Variants in NDUFB1 observed in about 807,000 individuals in gnomAD.
NDUFB1 encodes the protein NADH dehydrogenase [ubiquinone] 1 beta subcomplex subunit 1.
In NDUFB1, 6 loss-of-function variants were observed where a neutral mutation model predicts 6.7. The observed-to-expected ratio is 0.89, with a 90% CI of 0.49 to 1.76. The LOEUF (loss-of-function observed/expected upper bound fraction) is 1.76, where lower values mean the gene tolerates loss of function less well. NDUFB1 is among the 40% of genes most tolerant of loss of function. The pLI, the probability that NDUFB1 is intolerant of heterozygous loss-of-function variation, is 0.01. For missense variants in NDUFB1, 56 were observed against 71.0 expected (o/e 0.79, Z 0.76); for synonymous variants, 17 against 22.9 (o/e 0.74, Z 0.74).
chr14:92,121,305 A>AG (rs751580108), intron 1 of NDUFB1: 28 of 438,064 alleles, frequency 6.4e-5, no homozygotes, highest in Non-Finnish European at 1.0e-4. Context: ...CTGCTCGCGG[A>AG]GGGGAGGCAG....
rs752109673 is a variant in NDUFB1 at position 92,117,545 on chromosome 14, ACTCTTTCTGT to A, written c.83_92del (p.Asp28ValfsTer5). ...TCCGGAAGGCAGTTAGCCGTTCATC[ACTCTTTCTGT>A]CTAAATAACATCCAATGACAAATCC... On this transcript the variant is annotated frameshift_variant, in exon 2 of 3. Transcript: ENST00000605997. LOFTEE classifies it high-confidence loss of function. 1 of 1,613,570 alleles carries A rather than the reference ACTCTTTCTGT, an allele frequency of 6.2e-7. No homozygotes were observed. The highest frequency in any genetic ancestry group is 2.2e-5 in the East Asian group (1 of 44,882).
intron 2 of NDUFB1, 36 bp downstream of exon 2, chr14:92,117,462 T>C (rs1262306640): frequency 2.9e-5 from 47 of 1,610,042 alleles, no homozygotes; most frequent in East Asian, 1.1e-4. Flanking sequence ...TTCCCCAAAT[T>C]TGGCCAATTG....
chr14:92,119,055 T>C, intron 1 of NDUFB1: 1 of 278,006 alleles, frequency 3.6e-6, no homozygotes, highest in South Asian at 2.9e-5. Flanking sequence ...CTCATGCCTG[T>C]AACCACAGCA....
chr14:92,121,584 C>T (rs1348240595), intron 1 of NDUFB1, 58 bp downstream of exon 1: 3 of 1,608,720 alleles, frequency 1.9e-6, no homozygotes, highest in Non-Finnish European at 8.5e-7. Context: ...CTAGAACCCT[C>T]CCCGCCACCG....
rs952360710 is a variant in NDUFB1, at chr14:92,120,695, T to C, written c.-6+947A>G. Among the ~76,000 whole-genome samples, 61 of 140,544 alleles carry C rather than the reference T, an allele frequency of 4.3e-4. 1 individual carries two copies. The East Asian group carries it at 0.014, about 32-fold the overall frequency. The allele number at this position is 140,544 out of a possible 152,430, so 92.2% of individuals were successfully genotyped here. A position where few individuals can be genotyped will look rare whatever the true frequency, so the allele number is the denominator to read the frequency against. On this transcript the variant is annotated intron_variant, in intron 1 of 2. Coordinates refer to ENST00000605997, the MANE Select transcript of NDUFB1 (RefSeq NM_004545.4). ...TCAGCCTTCCGAGTAGCTGGGACTA[T>C]AGGCAGGTGCCACCACGCCCGGCTA...
intron 2 of NDUFB1, 24 bp from the exon 3 acceptor site, chr14:92,116,253 GA>G (rs1160407284): frequency 6.9e-6 from 11 of 1,589,920 alleles, no homozygotes; most frequent in Non-Finnish European, 9.4e-6. Context: ...AAAAAAGGAA[GA>G]AATGGAAAAA....
At chr14:92,116,331 C>CTTTTTTTT (rs35571568) in intron 2 of NDUFB1, 102 bp from the exon 3 acceptor site, 118 of 499,172 alleles carry the variant, frequency 2.4e-4, no homozygotes, top group Middle Eastern at 6.3e-4. Flanking sequence ...ATTTCATTTT[C>CTTTTTTTT]TTTTTTTTTT....
At chr14:92,119,122 G>C (rs999459619) in intron 1 of NDUFB1, among the ~76,000 whole-genome samples, 1 of 152,104 alleles carries the variant, frequency 6.6e-6, no homozygotes, top group Non-Finnish European at 1.5e-5. Flanking sequence ...GACTAGCCTG[G>C]TTAACATGGC....
intron 1 of NDUFB1, chr14:92,117,979 C>T: frequency 3.6e-6 from 1 of 275,372 alleles, no homozygotes; most frequent in Non-Finnish European, 7.0e-6. Flanking sequence ...GCCTGGGCGA[C>T]AGAGCAAGAC....
intron 1 of NDUFB1, among the ~76,000 whole-genome samples, chr14:92,120,584 A>G (rs553575195): frequency 1.2e-5 from 1 of 86,196 alleles, no homozygotes; most frequent in East Asian, 9.7e-4. Context: ...TCCCAACCTC[A>G]GGTGGTCCGC....
chr14:92,121,467 A>G, intron 1 of NDUFB1, 175 bp downstream of exon 1: 1 of 941,374 alleles, frequency 1.1e-6, no homozygotes, highest in Non-Finnish European at 1.6e-6. Context: ...CGGAAATCCC[A>G]TCCTCCACCC....
intron 1 of NDUFB1, chr14:92,117,871 G>T (rs12883370): frequency 8.7e-6 from 4 of 460,884 alleles, no homozygotes; most frequent in African/African-American, 8.0e-5. Context: ...GGTGGTGCGC[G>T]TCTGTTATCC....
chr14:92,118,305 T>C (rs758824491), intron 1 of NDUFB1: 3 of 152,362 alleles, frequency 2.0e-5, no homozygotes, highest in Admixed American at 1.3e-4. Context: ...CATGTTGTTT[T>C]GGAACTTTTT....
At position 92,121,659 on chromosome 14, in the gene NDUFB1, A is replaced by T; in HGVS notation, c.-23T>A. ...AAACCCACCTGCAGCCTCAGCGCCT[A>T]CAGCGACCCCGAGACCAAGGGCAAC... On this transcript the variant is annotated 5_prime_UTR_variant, in exon 1 of 3. Transcript: ENST00000605997. 6.2e-7 allele frequency: 1 copy of T among 1,603,072 alleles called. No individual in the cohort carries two copies. The highest frequency in any genetic ancestry group is 8.5e-7 in the Non-Finnish European group (1 of 1,176,058).
chr14:92,120,555 G>C (rs1218662877), intron 1 of NDUFB1: 1 of 122,746 alleles, frequency 8.1e-6, no homozygotes, highest in Non-Finnish European at 1.7e-5. Context: ...TCTCCATGTT[G>C]GTCAGGCTGG....
rs112031251 is a variant in NDUFB1 at position 92,120,630 on chromosome 14, G to A, written c.-6+1012C>T. ...CTCCCAAAGTGCTGGGATTACAGGC[G>A]TGAGCCACCGCGCCCGGCCGTTCAA... On this transcript the variant is annotated intron_variant, in intron 1 of 2. Transcript: ENST00000605997. 1.5e-4 allele frequency among the ~76,000 whole-genome samples: 23 copies of A among 152,064 alleles called. 2 individuals carry two copies. Among genetic ancestry groups the A allele is most frequent in the African/African-American group, 5.1e-4 (21 of 41,510 alleles).
At chr14:92,121,414 C>T (rs1251491906) in intron 1 of NDUFB1, 2 of 667,480 alleles carry the variant, frequency 3.0e-6, no homozygotes, top group Admixed American at 3.0e-5. Flanking sequence ...GGACGTTTTC[C>T]TGTTATGACA....
rs771013946 is a variant in NDUFB1 at position 92,117,677 on chromosome 14, CTTTGTTT to C, written c.-5-42_-5-36del. The C allele has an allele frequency of 6.9e-6, 11 of 1,584,232 alleles. No individual in the cohort carries two copies. In the Admixed American group the frequency reaches 8.7e-5, roughly 12 times the overall value. ...AAAAAAATTATCAGAAATACAACTGCTTTGTTTTTTTTTTGAAATAGCTTTTAAATTG... is the reference window on the plus strand; with the variant it reads ...AAAAAAATTATCAGAAATACAACTGCTTTTTTTGAAATAGCTTTTAAATTG... On this transcript the variant is annotated intron_variant, in intron 1 of 2. Coordinates refer to ENST00000605997, the MANE Select transcript of NDUFB1 (RefSeq NM_004545.4).
At chr14:92,119,272 A>T (rs1043412396) in intron 1 of NDUFB1, among the ~76,000 whole-genome samples, 1 of 149,612 alleles carries the variant, frequency 6.7e-6, no homozygotes, top group Non-Finnish European at 1.5e-5. Flanking sequence ...AGATCACACC[A>T]CTGTACTCTA....
Sources: allele counts gnomAD v4.1 joint callset (sites outside exome capture counted in the v4.1 genomes callset), GRCh38; gene constraint gnomAD v4.1.1; transcripts MANE v1.5; gene names NCBI Gene and HGNC (gene_info 2026-07-23, HGNC 2026-07-21).